The following MYO16 variants were observed in gnomAD, a reference collection of about 807,000 sequenced individuals.
The protein encoded by MYO16 is unconventional myosin-XVI.
Under a neutral mutation model 205.3 loss-of-function variants are expected in MYO16, and 94 were observed. That is an observed-to-expected ratio of 0.46 (90% CI 0.39 to 0.54). MYO16 has a LOEUF of 0.54. Ranked by LOEUF, MYO16 falls within the 20% of genes least tolerant of loss-of-function variation. The pLI is 0.00. For missense variants in MYO16, 2,315 were observed against 2,387.5 expected (o/e 0.97, Z 0.63); for synonymous variants, 988 against 954.0 (o/e 1.04, Z -0.66).
At chr13:108,691,852 C>T (rs967286918) in intron 2 of MYO16, among the ~76,000 whole-genome samples, 1 of 152,018 alleles carries the variant, frequency 6.6e-6, no homozygotes, top group Admixed American at 6.6e-5. Context: ...AGAGGTAAGC[C>T]GGGAAAATAG....
chr13:108,994,183 G>A (rs1488978478), intron 21 of MYO16, among the ~76,000 whole-genome samples: 1 of 151,892 alleles, frequency 6.6e-6, no homozygotes, highest in East Asian at 1.9e-4. Context: ...TGAGATTTCT[G>A]TATAATAGTA....
upstream of MYO16, among the ~76,000 whole-genome samples, chr13:108,592,596 G>A (rs1878433074): frequency 6.8e-6 from 1 of 147,314 alleles, no homozygotes; most frequent in Admixed American, 6.8e-5. Context: ...AGTGGGTAAG[G>A]TGTGGTATGT....
chr13:108,609,704 G>T (rs1319662180), intron 1 of MYO16, among the ~76,000 whole-genome samples: 1 of 152,142 alleles, frequency 6.6e-6, no homozygotes, highest in African/African-American at 2.4e-5. Context: ...ATTTTATACA[G>T]AGATTTATTT....
At chr13:109,038,065 G>A (rs766888894) in intron 23 of MYO16, among the ~76,000 whole-genome samples, 3 of 152,210 alleles carry the variant, frequency 2.0e-5, no homozygotes, top group African/African-American at 7.2e-5. Flanking sequence ...TAGGCAAAAT[G>A]TACATATTTC....
At position 108,891,954 on chromosome 13, in the gene MYO16, A is replaced by C. The variant is rs146236985; in HGVS notation, c.1659+3477A>C. On this transcript the variant is annotated intron_variant, in intron 14 of 34. Coordinates refer to ENST00000457511, the MANE Select transcript of MYO16 (RefSeq NM_001198950.3). Reference sequence around the variant, plus strand: ...TGGCGGTTAGTTGGCATGTTCTTTAAATTTATAGTATCTGATTCCTTATTT... The same window carrying C: ...TGGCGGTTAGTTGGCATGTTCTTTACATTTATAGTATCTGATTCCTTATTT... 6.8e-3 allele frequency among the ~76,000 whole-genome samples: 1,038 copies of C among 152,216 alleles called. 11 individuals carry two copies. The highest frequency in any genetic ancestry group is 0.061 in the Middle Eastern group (18 of 294).
chr13:108,624,016 GT>G lies in MYO16; in HGVS notation c.-39+27778del, dbSNP rs1445066851. ...TGAAGAATGCATGGAATTTGAATAG[GT>G]AACTTAGTGTGATTAAATTGTAAAT... On this transcript the variant is annotated intron_variant, in intron 1 of 24. Coordinates refer to the MYO16 transcript ENST00000251041. Among the ~76,000 whole-genome samples, 6 of 152,194 alleles carry G rather than the reference GT, an allele frequency of 3.9e-5. No homozygotes were observed. The East Asian group carries it at 1.2e-3, about 29-fold the overall frequency.
intron 33 of MYO16, among the ~76,000 whole-genome samples, chr13:109,178,108 G>C (rs1180796759): frequency 6.6e-6 from 1 of 151,724 alleles, no homozygotes; most frequent in Non-Finnish European, 1.5e-5. Flanking sequence ...ATTTCATATT[G>C]TGCCTGATCT....
chr13:108,506,351 A>G, the MYO16 span, among the ~76,000 whole-genome samples: 3 of 152,098 alleles, frequency 2.0e-5, no homozygotes, highest in Admixed American at 6.5e-5. Context: ...AATGTTTTGT[A>G]GATTTTAGTG....
chr13:108,951,989 C>T (rs1226266712), intron 16 of MYO16, among the ~76,000 whole-genome samples: 1 of 151,828 alleles, frequency 6.6e-6, no homozygotes, highest in African/African-American at 2.4e-5. Flanking sequence ...GCCTGTAGTC[C>T]CAGCCACTCC....
chr13:108,914,222 ATTG>A (rs1234837088), intron 16 of MYO16, among the ~76,000 whole-genome samples: 1 of 149,252 alleles, frequency 6.7e-6, no homozygotes, highest in Non-Finnish European at 1.5e-5. Flanking sequence ...TGTATCTACT[ATTG>A]TTAATATATG....
intron 20 of MYO16, among the ~76,000 whole-genome samples, chr13:108,971,349 T>TTATATATATATATATATA (rs60564701): frequency 1.4e-5 from 2 of 144,272 alleles, no homozygotes; most frequent in Admixed American, 6.9e-5. Context: ...TGTGTGTTGA[T>TTATATATATATATATATA]TATATATATA....
At chr13:108,700,953 T>C (rs753207783) in intron 2 of MYO16, among the ~76,000 whole-genome samples, 7 of 152,222 alleles carry the variant, frequency 4.6e-5, no homozygotes, top group South Asian at 2.1e-4. Context: ...AAGGAAAAGA[T>C]GTAAACTGTC....
chr13:108,711,762 G>C (rs1238159476), intron 2 of MYO16, among the ~76,000 whole-genome samples: 2 of 152,236 alleles, frequency 1.3e-5, no homozygotes, highest in Non-Finnish European at 2.9e-5. Flanking sequence ...TGGGAAGACA[G>C]TATGCCTCAG....
intron 27 of MYO16, among the ~76,000 whole-genome samples, chr13:109,068,042 C>T (rs917356877): frequency 3.9e-5 from 6 of 152,114 alleles, no homozygotes; most frequent in Non-Finnish European, 8.8e-5. Context: ...CAATACCACA[C>T]AAATGAAACG....
At chr13:109,105,139 A>G (rs1396168066) in intron 28 of MYO16, among the ~76,000 whole-genome samples, 2 of 152,230 alleles carry the variant, frequency 1.3e-5, no homozygotes, top group Non-Finnish European at 2.9e-5. Context: ...AAACTACCAA[A>G]CAATACAGTA....
chr13:109,177,460 G>A (rs1594161931), intron 33 of MYO16, among the ~76,000 whole-genome samples: 1 of 152,122 alleles, frequency 6.6e-6, no homozygotes, highest in African/African-American at 2.4e-5. Flanking sequence ...TTTCAACTGA[G>A]TTTCTGTTTT....
intron 27 of MYO16, among the ~76,000 whole-genome samples, chr13:109,062,557 G>A: frequency 6.6e-6 from 1 of 152,080 alleles, no homozygotes; most frequent in East Asian, 1.9e-4. Context: ...CAGTGGAAAT[G>A]GAATTATGAA....
At chr13:109,020,541 T>C (rs1885986166) in intron 23 of MYO16, among the ~76,000 whole-genome samples, 1 of 152,202 alleles carries the variant, frequency 6.6e-6, no homozygotes, top group African/African-American at 2.4e-5. Flanking sequence ...TCTCAACCAC[T>C]CAGTGTTTCT....
At chr13:108,745,697 AC>A (rs371036720) in intron 4 of MYO16, among the ~76,000 whole-genome samples, 171 of 152,310 alleles carry the variant, frequency 1.1e-3, no homozygotes, top group African/African-American at 3.8e-3. Flanking sequence ...TATAAAAAAA[AC>A]ATCAGAACCA....
Sources: allele counts gnomAD v4.1 joint callset (sites outside exome capture counted in the v4.1 genomes callset), GRCh38; gene constraint gnomAD v4.1.1; transcripts MANE v1.5; gene names NCBI Gene and HGNC (gene_info 2026-07-23, HGNC 2026-07-21).